The following TGFBR2 variants were observed in gnomAD, a reference collection of about 807,000 sequenced individuals.
TGFBR2 encodes TGF-beta receptor type-2.
In TGFBR2, 18 loss-of-function variants were observed where a neutral mutation model predicts 49.0. That is an observed-to-expected ratio of 0.37 (90% CI 0.25 to 0.54). TGFBR2 has a LOEUF of 0.54. Ranked by LOEUF, TGFBR2 falls within the 20% of genes least tolerant of loss-of-function variation. The pLI, the probability that TGFBR2 is intolerant of heterozygous loss-of-function variation, is 0.85. For synonymous variants in TGFBR2, 282 were observed against 275.9 expected, an observed-to-expected ratio of 1.02 and a Z score of -0.22; for missense variants, 525 against 722.6, an observed-to-expected ratio of 0.73 and a Z score of 3.13.
chr3:30,645,444 A>G (rs1698712848), intron 2 of TGFBR2, among the ~76,000 whole-genome samples: 1 of 151,796 alleles, frequency 6.6e-6, no homozygotes, highest in African/African-American at 2.4e-5. Flanking sequence ...TCATATAACC[A>G]TTGGGATAGA....
intron 1 of TGFBR2, among the ~76,000 whole-genome samples, chr3:30,636,701 C>T (rs1341832040): frequency 2.6e-5 from 4 of 150,998 alleles, no homozygotes; most frequent in East Asian, 2.0e-4. Flanking sequence ...TCCCAGAGAC[C>T]GTCTAAATAT....
At chr3:30,682,055 T>A (rs935700202) in intron 5 of TGFBR2, among the ~76,000 whole-genome samples, 8 of 152,188 alleles carry the variant, frequency 5.3e-5, no homozygotes, top group African/African-American at 1.9e-4. Context: ...TCCCATCAGT[T>A]TGCTGGAGGG....
chr3:30,628,484 T>G (rs1439630392), intron 1 of TGFBR2, among the ~76,000 whole-genome samples: 1 of 116,018 alleles, frequency 8.6e-6, no homozygotes, highest in African/African-American at 3.4e-5. Flanking sequence ...TGCTGTGACT[T>G]AAATCCTCCA....
At chr3:30,660,928 G>A (rs1699111391) in intron 3 of TGFBR2, among the ~76,000 whole-genome samples, 1 of 152,232 alleles carries the variant, frequency 6.6e-6, no homozygotes, top group African/African-American at 2.4e-5. Flanking sequence ...ACTCAGGTGG[G>A]AAGGAATTGC....
chr3:30,633,348 A>C (rs1698471351), intron 1 of TGFBR2, among the ~76,000 whole-genome samples: 1 of 152,258 alleles, frequency 6.6e-6, no homozygotes, highest in Non-Finnish European at 1.5e-5. Flanking sequence ...AATAATAATT[A>C]TTAACATCAC....
chr3:30,675,468 C>T (rs1006142733), intron 5 of TGFBR2, among the ~76,000 whole-genome samples: 16 of 151,388 alleles, frequency 1.1e-4, no homozygotes, highest in African/African-American at 3.9e-4. Flanking sequence ...CTGACTGCAA[C>T]CTCTGCCTCC....
At chr3:30,651,449 A>G (rs1294684333) in intron 3 of TGFBR2, among the ~76,000 whole-genome samples, 1 of 152,112 alleles carries the variant, frequency 6.6e-6, no homozygotes, top group Non-Finnish European at 1.5e-5. Flanking sequence ...TTTCAGTACA[A>G]CTATCTGATC....
chr3:30,678,551 A>C (rs1347874401), intron 5 of TGFBR2, among the ~76,000 whole-genome samples: 7 of 150,850 alleles, frequency 4.6e-5, no homozygotes, highest in Non-Finnish European at 7.4e-5. Context: ...GCGTCTAAAA[A>C]AAAAAAAAAA....
chr3:30,651,698 C>T (rs925086437), intron 3 of TGFBR2, among the ~76,000 whole-genome samples: 6 of 152,160 alleles, frequency 3.9e-5, no homozygotes, highest in Non-Finnish European at 8.8e-5. Flanking sequence ...AATATTTCTG[C>T]AAGGCAGATT....
At chr3:30,611,193 G>A (rs1303726630) in intron 1 of TGFBR2, among the ~76,000 whole-genome samples, 1 of 152,172 alleles carries the variant, frequency 6.6e-6, no homozygotes, top group African/African-American at 2.4e-5. Context: ...GGCAGTGCCT[G>A]ACACATCATT....
intron 1 of TGFBR2, among the ~76,000 whole-genome samples, chr3:30,639,822 T>G (rs1256288132): frequency 6.6e-6 from 1 of 152,226 alleles, no homozygotes; most frequent in Non-Finnish European, 1.5e-5. Flanking sequence ...ATGCATGAAT[T>G]CAGTGATACA....
At position 30,672,149 on chromosome 3, in the gene TGFBR2, G is replaced by A. The variant is rs1335113103; in HGVS notation, c.966G>A (p.Trp322Ter). The change falls in exon 4 of 7, where the codon TGG becomes TGA. Residue 322 changes from tryptophan (W) to a stop codon, truncating the protein, a stop_gained. Coordinates refer to ENST00000295754, the MANE Select transcript of TGFBR2 (RefSeq NM_003242.6). LOFTEE classifies it high-confidence loss of function. The surrounding 1 kb of genome is among the most constrained non-coding windows in gnomAD (Gnocchi z 4.5). Reference sequence around the variant, plus strand: ...AGACGGAGTTGGGGAAACAATACTGGCTGATCACCGCCTTCCACGCCAAGG... The same window carrying A: ...AGACGGAGTTGGGGAAACAATACTGACTGATCACCGCCTTCCACGCCAAGG... Reference protein sequence around the residue: ...ERKTELGKQYWLITAFHAKGN... With the variant: ...ERKTELGKQY The A allele has an allele frequency of 6.2e-7, 1 of 1,614,150 alleles. No individual in the cohort carries two copies. The highest frequency in any genetic ancestry group is 8.5e-7 in the Non-Finnish European group (1 of 1,180,014).
chr3:30,672,404 T>G lies in TGFBR2; in HGVS notation c.1221T>G (p.Thr407=), dbSNP rs2125436986. The G allele has an allele frequency of 6.2e-7, 1 of 1,614,204 alleles. No individual in the cohort carries two copies. Among genetic ancestry groups the G allele is most frequent in the Non-Finnish European group, 8.5e-7 (1 of 1,180,020 alleles). The change falls in exon 4 of 7, where the codon ACT becomes ACG. Residue 407 remains threonine, a synonymous_variant. Coordinates refer to ENST00000295754, the MANE Select transcript of TGFBR2 (RefSeq NM_003242.6). This position sits in a 1 kb window ranked among gnomAD's most constrained non-coding sequence, Gnocchi z 4.5. ...GGCTTTCCCTGCGTCTGGACCCTAC[T>G]CTGTCTGTGGATGACCTGGCTAACA... The part of the protein sequence containing the change: ...DFGLSLRLDP[T]LSVDDLANSG...
At chr3:30,689,740 T>C (rs1325423432) in intron 6 of TGFBR2, among the ~76,000 whole-genome samples, 1 of 152,252 alleles carries the variant, frequency 6.6e-6, no homozygotes, top group African/African-American at 2.4e-5. Context: ...TGGAGTGTTA[T>C]GTTTCTTTCA....
intron 2 of TGFBR2, among the ~76,000 whole-genome samples, chr3:30,645,642 C>G (rs1415525119): frequency 6.6e-6 from 1 of 152,030 alleles, no homozygotes; most frequent in African/African-American, 2.4e-5. Context: ...CCCACTACCA[C>G]ACCTGGCTAA....
intron 5 of TGFBR2, among the ~76,000 whole-genome samples, chr3:30,677,967 T>C (rs1699468743): frequency 6.6e-6 from 1 of 152,266 alleles, no homozygotes; most frequent in South Asian, 2.1e-4. Context: ...GTAAAAGGTC[T>C]TTCCTTAAGC....
chr3:30,624,179 A>G (rs1698287632), intron 1 of TGFBR2, among the ~76,000 whole-genome samples: 1 of 152,110 alleles, frequency 6.6e-6, no homozygotes, highest in Non-Finnish European at 1.5e-5. Flanking sequence ...AGAGAAGAAC[A>G]GAACAAGAAG....
Position 30,608,344 on chromosome 3 carries a change from C to G in TGFBR2, c.94+1367C>G, listed in dbSNP as rs183663248. On this transcript the variant is annotated intron_variant, in intron 1 of 6. Coordinates refer to ENST00000295754, the MANE Select transcript of TGFBR2 (RefSeq NM_003242.6). ...TAGAGCTTTTTCTGGGCCTTAGTTT[C>G]CTCATCTGTAAAATGGCCAGCTTGA... 5.3e-5 allele frequency among the ~76,000 whole-genome samples: 8 copies of G among 152,224 alleles called. No individual in the cohort carries two copies. The East Asian group carries it at 1.5e-3, about 29-fold the overall frequency.
intron 1 of TGFBR2, among the ~76,000 whole-genome samples, chr3:30,636,865 C>G (rs1317558784): frequency 6.6e-6 from 1 of 151,864 alleles, no homozygotes; most frequent in Non-Finnish European, 1.5e-5. Context: ...GAGATCGAGA[C>G]CATCCTGGCT....
Sources: gnomAD v4.1 joint callset for allele counts (sites outside exome capture counted in the v4.1 genomes callset) on GRCh38, gnomAD v4.1.1 for gene constraint, Gnocchi (gnomAD v3.1) non-coding constraint, MANE v1.5 for transcripts, NCBI Gene and HGNC (gene_info 2026-07-23, HGNC 2026-07-21) for gene names.